Variants in LRP1B observed in about 807,000 individuals in gnomAD.
The protein encoded by LRP1B is low-density lipoprotein receptor-related protein 1B.
In LRP1B, 217 loss-of-function variants were observed where a neutral mutation model predicts 556.6. The observed-to-expected ratio is 0.39, with a 90% CI of 0.35 to 0.44. LRP1B has a LOEUF of 0.44. LRP1B is among the 20% of genes least tolerant of loss of function. The probability of loss-of-function intolerance (pLI) is 1.00; values close to 1 mark genes in which losing one functional copy is unlikely to be tolerated. For missense variants in LRP1B, 5,053 were observed against 5,620.8 expected (o/e 0.90, Z 3.23); for synonymous variants, 2,047 against 1,865.8 (o/e 1.10, Z -2.50).
intron 3 of LRP1B, among the ~76,000 whole-genome samples, chr2:141,423,973 C>T (rs1231275526): frequency 1.3e-5 from 2 of 152,020 alleles, no homozygotes; most frequent in African/African-American, 4.8e-5. Context: ...AACATATCAC[C>T]TCTATTTTGA....
chr2:142,015,659 A>T (rs1703097558), intron 1 of LRP1B, among the ~76,000 whole-genome samples: 1 of 152,124 alleles, frequency 6.6e-6, no homozygotes. Flanking sequence ...ATCTACAAGG[A>T]ACTTAAACAA....
chr2:140,598,599 C>T (rs778818651), intron 43 of LRP1B, 32 bp downstream of exon 43: 2 of 1,516,316 alleles, frequency 1.3e-6, no homozygotes. Context: ...CATTGTATAA[C>T]TCTATAACCA....
intron 33 of LRP1B, among the ~76,000 whole-genome samples, chr2:140,772,849 T>A (rs988273739): frequency 6.6e-6 from 1 of 152,106 alleles, no homozygotes; most frequent in Non-Finnish European, 1.5e-5. Context: ...CTCATACCTG[T>A]AATCTCAGCA....
At chr2:140,628,817 GC>G (rs1278159073) in intron 41 of LRP1B, among the ~76,000 whole-genome samples, 12 of 152,130 alleles carry the variant, frequency 7.9e-5, no homozygotes, top group African/African-American at 2.9e-4. Context: ...ATTTCCCTTT[GC>G]TGTTCCCATG....
chr2:141,371,875 A>G (rs1334725987), intron 3 of LRP1B, among the ~76,000 whole-genome samples: 2 of 152,008 alleles, frequency 1.3e-5, no homozygotes, highest in Non-Finnish European at 2.9e-5. Flanking sequence ...CTCTTGCCCA[A>G]TTGCCCTGGT....
rs1334034701 is a variant in LRP1B, at chr2:140,837,758, G to A, written c.5209+2233C>T. 2.6e-5 allele frequency among the ~76,000 whole-genome samples: 4 copies of A among 151,156 alleles called. No homozygotes were observed. In the South Asian group the frequency reaches 6.3e-4, roughly 24 times the overall value. ...TGAACAATGAGAACACATGGACACA[G>A]GAAGGGGAACATCACACACCACCGG... On this transcript the variant is annotated intron_variant, in intron 31 of 90. Transcript: ENST00000389484.
At chr2:140,482,635 G>T (rs1688289993) in intron 59 of LRP1B, among the ~76,000 whole-genome samples, 2 of 151,942 alleles carry the variant, frequency 1.3e-5, no homozygotes, top group South Asian at 2.1e-4. Flanking sequence ...CTGTCTACTT[G>T]TATCTTTACG....
At chr2:141,618,150 A>G (rs978632983) in intron 2 of LRP1B, among the ~76,000 whole-genome samples, 4 of 152,096 alleles carry the variant, frequency 2.6e-5, no homozygotes, top group Admixed American at 6.6e-5. Context: ...TTGCCCTTAA[A>G]CAGAAAATTA....
chr2:140,510,172 G>A (rs1574020827), intron 51 of LRP1B, 116 bp from the exon 52 acceptor site: 11 of 1,092,134 alleles, frequency 1.0e-5, no homozygotes, highest in Non-Finnish European at 1.2e-5. Context: ...ATAAGGAGGC[G>A]ATTGTAGTTA....
intron 2 of LRP1B, among the ~76,000 whole-genome samples, chr2:141,498,230 A>C (rs187935405): frequency 8.0e-5 from 12 of 149,630 alleles, no homozygotes; most frequent in Admixed American, 3.4e-4. Context: ...ACAAAACCAA[A>C]CAAACAAAAA....
intron 1 of LRP1B, among the ~76,000 whole-genome samples, chr2:142,057,928 T>G (rs182615151): frequency 6.6e-6 from 1 of 152,234 alleles, no homozygotes; most frequent in Admixed American, 6.5e-5. Context: ...CAGTACTTAC[T>G]CTTGAACCCT....
intron 41 of LRP1B, among the ~76,000 whole-genome samples, chr2:140,658,601 A>G (rs483113): frequency 0.99 from 150,034 of 152,156 alleles, 74,001 homozygotes; most frequent in Middle Eastern, 1. Context: ...TTTCTTTTAA[A>G]TTTGAAAATG....
intron 84 of LRP1B, among the ~76,000 whole-genome samples, chr2:140,281,755 A>G (rs150255777): frequency 6.6e-4 from 101 of 151,976 alleles, no homozygotes; most frequent in African/African-American, 2.2e-3. Context: ...TTCACAGTGC[A>G]TATCCCCAGG....
chr2:140,348,180 G>A (rs1258478831), intron 77 of LRP1B, among the ~76,000 whole-genome samples: 2 of 152,020 alleles, frequency 1.3e-5, no homozygotes, highest in Non-Finnish European at 2.9e-5. Flanking sequence ...GAGACCCAGA[G>A]ATGTGATATG....
At chr2:141,723,438 T>C (rs1232216057) in intron 2 of LRP1B, among the ~76,000 whole-genome samples, 1 of 151,454 alleles carries the variant, frequency 6.6e-6, no homozygotes, top group Non-Finnish European at 1.5e-5. Flanking sequence ...CAAATTTACT[T>C]AATTCTTTGG....
At chr2:141,553,730 AAT>A (rs1559137425) in intron 2 of LRP1B, among the ~76,000 whole-genome samples, 1 of 17,412 alleles carries the variant, frequency 5.7e-5, no homozygotes, top group African/African-American at 6.1e-5. Flanking sequence ...ATATCTATAT[AAT>A]ATATTATATA....
At chr2:141,639,521 C>A (rs1254955060) in intron 2 of LRP1B, among the ~76,000 whole-genome samples, 2 of 149,514 alleles carry the variant, frequency 1.3e-5, no homozygotes, top group East Asian at 3.9e-4. Context: ...ATATTTAAAG[C>A]AAGTTTTTTT....
At position 141,852,304 on chromosome 2, in the gene LRP1B, C is replaced by A. The variant is rs937148544; in HGVS notation, c.83-41903G>T. Among the ~76,000 whole-genome samples the A allele has an allele frequency of 2.0e-5, 3 of 151,614 alleles. No homozygotes were observed. The South Asian group carries it at 6.2e-4, about 31-fold the overall frequency. ...TTGGCTTGGAAATTTATTGACTTGA[C>A]CTTCCTTCAAAATGAATATTATTCA... On this transcript the variant is annotated intron_variant, in intron 1 of 90. Transcript: ENST00000389484.
At chr2:140,890,205 T>C (rs572706318) in intron 23 of LRP1B, among the ~76,000 whole-genome samples, 124 of 142,560 alleles carry the variant, frequency 8.7e-4, no homozygotes, top group African/African-American at 2.5e-3. Flanking sequence ...ACTGTAAGGA[T>C]AGAACAGATA....
Sources: allele counts gnomAD v4.1 joint callset (sites outside exome capture counted in the v4.1 genomes callset), GRCh38; gene constraint gnomAD v4.1.1; transcripts MANE v1.5; gene names NCBI Gene and HGNC (gene_info 2026-07-23, HGNC 2026-07-21).